MED15: variants seen among roughly 807,000 people sequenced by gnomAD.
MED15 encodes the protein mediator complex subunit 15.
In MED15, 41 loss-of-function variants were observed where a neutral mutation model predicts 118.7. That is an observed-to-expected ratio of 0.35 (90% CI 0.27 to 0.45). The LOEUF is 0.45. MED15 is among the 20% of genes least tolerant of loss of function. The probability of loss-of-function intolerance (pLI) is 1.00; values close to 1 mark genes in which losing one functional copy is unlikely to be tolerated. For synonymous variants in MED15, 436 were observed against 413.9 expected (o/e 1.05, Z -0.65); for missense variants, 740 against 1,025.5 (o/e 0.72, Z 3.80).
rs1347400895 is a variant in MED15 at position 20,555,148 on chromosome 22, A to G, written c.451A>G (p.Thr151Ala). ...MAVVSTATPQ[T>A]QLQLQQVALQ... ...TGTCGTGTCTACGGCAACTCCACAG[A>G]GTGAGTACCACACTTCTTGGAGGAT... Residue 151 changes from threonine (T) to alanine (A), a missense_variant and splice_region_variant, in exon 5 of 18, where the codon ACC (threonine) becomes GCC (alanine). Around this residue, in one of 7 missense-constraint regions of MED15, gnomAD observed 117 missense variants for 124.6 expected, o/e 0.94. Coordinates refer to ENST00000263205, the MANE Select transcript of MED15 (RefSeq NM_001003891.3). 6.3e-7 allele frequency: 1 copy of G among 1,593,464 alleles called. No individual in the cohort carries two copies. The highest frequency in any genetic ancestry group is 2.3e-5 in the East Asian group (1 of 44,130).
rs756996005 is a variant in MED15 at position 20,582,509 on chromosome 22, A to C, written c.1273-102A>C. 6 of 1,506,272 alleles carry C rather than the reference A, an allele frequency of 4.0e-6. No homozygotes were observed. The South Asian group carries it at 4.9e-5, about 12-fold the overall frequency. The allele number at this position is 1,506,272 out of a possible 1,614,324, so 93.3% of individuals were successfully genotyped here. On this transcript the variant is annotated intron_variant, in intron 9 of 17. Transcript: ENST00000263205. ...TGGATGAAGACACAGGTGTGTGGTG[A>C]GGCTGTGCGGGAGGATGGGCCTATG...
At position 20,587,460 on chromosome 22, in the gene MED15, ACAGCGGGCCTGG is replaced by A. The variant is rs959732846; in HGVS notation, c.*766_*777del. 5.1e-4 allele frequency: 103 copies of A among 202,964 alleles called. 1 individual carries two copies. Among genetic ancestry groups the A allele is most frequent in the East Asian group, 8.3e-4 (7 of 8,482 alleles). 12.6% of individuals were successfully genotyped at this position (202,964 alleles called of 1,614,324 possible). On this transcript the variant is annotated 3_prime_UTR_variant, in exon 18 of 18. Coordinates refer to ENST00000263205, the MANE Select transcript of MED15 (RefSeq NM_001003891.3). ...AGCACCACACACTGAGCACCCAGAGACAGCGGGCCTGGCAGCGGGCCGGGCCATGCAGGGAGC... is the reference window on the plus strand; with the variant it reads ...AGCACCACACACTGAGCACCCAGAGACAGCGGGCCGGGCCATGCAGGGAGC...
chr22:20,566,953 G>A, intron 7 of MED15, 136 bp downstream of exon 7: 1 of 1,467,368 alleles, frequency 6.8e-7, no homozygotes, highest in Non-Finnish European at 9.1e-7. Context: ...CCCCTTGCCA[G>A]CCCTGCCGAC....
At chr22:20,565,816 C>T (rs2056415957) in intron 6 of MED15, among the ~76,000 whole-genome samples, 1 of 152,244 alleles carries the variant, frequency 6.6e-6, no homozygotes, top group Admixed American at 6.5e-5. Flanking sequence ...TTCCATGGAG[C>T]TGTACCTATT....
At chr22:20,585,663 C>T in intron 16 of MED15, 65 bp from the exon 17 acceptor site, 15 of 1,463,120 alleles carry the variant, frequency 1.0e-5, no homozygotes, top group Non-Finnish European at 1.4e-5. Flanking sequence ...TGTTCCAGAG[C>T]AGGGCTGTGA....
chr22:20,585,356 G>A (rs1046488084), intron 16 of MED15, 89 bp downstream of exon 16: 84 of 1,513,166 alleles, frequency 5.6e-5, no homozygotes, highest in Admixed American at 7.2e-5. Flanking sequence ...ATGGCACAGC[G>A]CCCAGAACCC....
In MED15 at chr22:20,584,861, C is replaced by T; in HGVS notation, c.1810C>T (p.Pro604Ser). 1 of 1,612,038 alleles carries T rather than the reference C, an allele frequency of 6.2e-7. No individual in the cohort carries two copies. Among genetic ancestry groups the T allele is most frequent in the Non-Finnish European group, 8.5e-7 (1 of 1,179,886 alleles). Residue 604 changes from proline to serine, a missense_variant, in exon 15 of 18, where the codon CCC becomes TCC. This residue lies in a region of MED15 where 179 missense variants were observed against 259.0 expected (regional missense o/e 0.69). Transcript: ENST00000263205. ...GTGCCCATCCTGTCTCCAGCCCACT[C>T]CCCCACCGCCCCCGGTGCCACCGAC... ...KLKNDMAVPT[P>S]PPPPVPPTKQ...
intron 1 of MED15, among the ~76,000 whole-genome samples, chr22:20,536,885 A>G (rs2055100175): frequency 6.6e-6 from 1 of 151,966 alleles, no homozygotes; most frequent in Non-Finnish European, 1.5e-5. Flanking sequence ...TCTTTGCTTC[A>G]TGGCGACCAC....
At chr22:20,570,567 T>C (rs1167763738) in intron 8 of MED15, among the ~76,000 whole-genome samples, 1 of 151,266 alleles carries the variant, frequency 6.6e-6, no homozygotes, top group Admixed American at 6.6e-5. Flanking sequence ...AATTTTTGTA[T>C]TTTTAGTAGA....
rs777700862 is a variant in MED15 at position 20,537,117 on chromosome 22, C to T, written c.69C>T (p.Ile23=). ...CGTCTCTTCTCCTTTTGTGTTTCAG[C>T]GAGGATGCCATGAGGAAAGCTGGTG... ...TAFRQKLVSQ[I]EDAMRKAGVA... is the part of the protein sequence containing the mutation. The change falls in exon 2 of 18, where the codon ATC becomes ATT. Residue 23 remains isoleucine (I), a splice_region_variant and synonymous_variant. Transcript: ENST00000263205. 2.5e-6 allele frequency: 4 copies of T among 1,612,972 alleles called. No individual in the cohort carries two copies. Among genetic ancestry groups the T allele is most frequent in the East Asian group, 4.5e-5 (2 of 44,872 alleles).
At chr22:20,550,520 T>C (rs1182784809) in intron 2 of MED15, among the ~76,000 whole-genome samples, 1 of 152,244 alleles carries the variant, frequency 6.6e-6, no homozygotes, top group Non-Finnish European at 1.5e-5. Context: ...TGCCATCTTA[T>C]GAGTGTAGTG....
chr22:20,509,354 A>C (rs1195569998), intron 1 of MED15, among the ~76,000 whole-genome samples: 1 of 152,144 alleles, frequency 6.6e-6, no homozygotes, highest in Non-Finnish European at 1.5e-5. Context: ...TTAAGCTATT[A>C]AGAGAGTTTG....
chr22:20,560,516 GC>G (rs1393823515), intron 5 of MED15, among the ~76,000 whole-genome samples: 1 of 152,106 alleles, frequency 6.6e-6, no homozygotes, highest in Non-Finnish European at 1.5e-5. Flanking sequence ...GCCCTCCTTG[GC>G]CTCCCAAAGT....
At chr22:20,555,663 C>G (rs962489218) in intron 5 of MED15, among the ~76,000 whole-genome samples, 6 of 152,234 alleles carry the variant, frequency 3.9e-5, no homozygotes, top group Admixed American at 3.9e-4. Flanking sequence ...GGGCTGTGAT[C>G]AGGTGTTATA....
chr22:20,573,695 C>T (rs193128113), intron 8 of MED15: 1 of 152,256 alleles, frequency 6.6e-6, no homozygotes, highest in East Asian at 1.9e-4. Context: ...GTACATTAGA[C>T]TTAAGCTTTG....
intron 1 of MED15, among the ~76,000 whole-genome samples, chr22:20,515,222 A>T (rs28676928): frequency 0.03 from 4,533 of 152,278 alleles, 233 homozygotes; most frequent in African/African-American, 0.1. Flanking sequence ...GCCCTGTTGC[A>T]GGAGTTGACA....
chr22:20,534,054 C>G (rs2146429814), intron 1 of MED15, among the ~76,000 whole-genome samples: 1 of 152,292 alleles, frequency 6.6e-6, no homozygotes, highest in South Asian at 2.1e-4. Context: ...GCTTTGCTCT[C>G]TGATCGCTGC....
chr22:20,580,598 T>G (rs771279189), intron 9 of MED15, among the ~76,000 whole-genome samples: 1 of 151,922 alleles, frequency 6.6e-6, no homozygotes, highest in East Asian at 1.9e-4. Flanking sequence ...AAAGGCAGAG[T>G]TGGGCTGAGC....
chr22:20,555,387 G>C (rs165804), intron 5 of MED15, among the ~76,000 whole-genome samples: 21,584 of 152,136 alleles, frequency 0.14, 1,887 homozygotes, highest in South Asian at 0.21. Flanking sequence ...CAGGAGGGTG[G>C]GGATGGCCTG....
Sources: allele counts gnomAD v4.1 joint callset (sites outside exome capture counted in the v4.1 genomes callset), GRCh38; gene constraint gnomAD v4.1.1; regional missense constraint gnomAD v4.1.1; transcripts MANE v1.5; gene names NCBI Gene and HGNC (gene_info 2026-07-23, HGNC 2026-07-21).